LUC7L: variants seen among roughly 807,000 people sequenced by gnomAD.
The protein encoded by LUC7L is putative RNA-binding protein Luc7-like 1.
A neutral mutation model predicts 51.1 loss-of-function variants in LUC7L; 29 were observed. The observed-to-expected ratio is 0.57, with a 90% CI of 0.42 to 0.77. The LOEUF (loss-of-function observed/expected upper bound fraction) is 0.77. Among genes scored for constraint, LUC7L ranks in the 30% least tolerant of loss-of-function variants. The pLI is 0.00. For missense variants in LUC7L, 403 were observed against 511.9 expected, an observed-to-expected ratio of 0.79 and a Z score of 2.05; for synonymous variants, 181 against 180.7, an observed-to-expected ratio of 1.00 and a Z score of -0.01.
At chr16:207,142 T>C (rs1251957394) in intron 4 of LUC7L, among the ~76,000 whole-genome samples, 1 of 150,872 alleles carries the variant, frequency 6.6e-6, no homozygotes. Context: ...GAGCTTGCAG[T>C]GAGTCGAGAT....
At position 223,827 on chromosome 16, in the gene LUC7L, G is replaced by A. The variant is rs939898649; in HGVS notation, c.157-3080C>T. Among the ~76,000 whole-genome samples, 4 of 151,720 alleles carry A rather than the reference G, an allele frequency of 2.6e-5. No homozygotes were observed. The East Asian group carries it at 5.8e-4, about 22-fold the overall frequency. ...TGGGACTACAGGGGCACGCCACCAC[G>A]CCCGGCTAATATTTTTGTATTTTTA... On this transcript the variant is annotated intron_variant, in intron 2 of 9. Transcript: ENST00000293872.
At chr16:203,908 C>T (rs907851568) in intron 5 of LUC7L, among the ~76,000 whole-genome samples, 2 of 148,928 alleles carry the variant, frequency 1.3e-5, no homozygotes, top group African/African-American at 2.5e-5. Context: ...CTCAGCTACT[C>T]GGGAGGCTGA....
At position 189,158 on chromosome 16, in the gene LUC7L, G is replaced by A. The variant is rs369218695; in HGVS notation, c.*40C>T. On this transcript the variant is annotated 3_prime_UTR_variant, in exon 10 of 10. Transcript: ENST00000293872. Reference sequence around the variant, plus strand: ...TATAAAGGGTAATTTTAGACTGTGTGAACGTTTATCAGACTATTTACAGCA... The same window carrying A: ...TATAAAGGGTAATTTTAGACTGTGTAAACGTTTATCAGACTATTTACAGCA... 2.6e-4 allele frequency: 414 copies of A among 1,571,544 alleles called. 1 individual carries two copies. Among genetic ancestry groups the A allele is most frequent in the Middle Eastern group, 1.2e-3 (7 of 5,882 alleles).
Position 208,084 on chromosome 16 carries a change from A to G in LUC7L, c.360T>C (p.Ser120=). ...CGAAGCCACCCAAGCATACCTTTGCAGAAACTTCCGCACTGATTTCCTCCT... is the reference window on the plus strand; with the variant it reads ...CGAAGCCACCCAAGCATACCTTTGCGGAAACTTCCGCACTGATTTCCTCCT... ...ETQEEISAEV[S]AKAEKVHELN... The change falls in exon 4 of 10, where the codon TCT becomes TCC. Residue 120 remains serine (S), a synonymous_variant. Transcript: ENST00000293872. The G allele has an allele frequency of 6.2e-7, 1 of 1,608,338 alleles. No individual in the cohort carries two copies. The highest frequency in any genetic ancestry group is 2.2e-5 in the East Asian group (1 of 44,788).
chr16:228,751 G>T lies in LUC7L; in HGVS notation c.61+528C>A, dbSNP rs772829671. 97 of 1,267,586 alleles carry T rather than the reference G, an allele frequency of 7.7e-5. No individual in the cohort carries two copies. In the Admixed American group the frequency reaches 1.0e-3, roughly 13 times the overall value. The allele number at this position is 1,267,586 out of a possible 1,614,324, so 78.5% of individuals were successfully genotyped here. On this transcript the variant is annotated intron_variant, in intron 1 of 9. Transcript: ENST00000293872. ...ACAGAGGCTCTCCTGTGTGCTGGGG[G>T]GAAGGGGGCAGCTGGAAAAGTACTT...
At chr16:200,070 C>G (rs1247710988) in intron 5 of LUC7L, among the ~76,000 whole-genome samples, 2 of 152,042 alleles carry the variant, frequency 1.3e-5, no homozygotes, top group African/African-American at 2.4e-5. Flanking sequence ...AGACAGATCA[C>G]TTGAGGCCAG....
chr16:228,458 TG>T, intron 1 of LUC7L: 1 of 1,253,692 alleles, frequency 8.0e-7, no homozygotes, highest in South Asian at 1.4e-5. Context: ...AATAAAAATA[TG>T]GGAAGCAATT....
intron 6 of LUC7L, among the ~76,000 whole-genome samples, chr16:196,091 A>T (rs147046177): frequency 6.6e-6 from 1 of 151,840 alleles, no homozygotes; most frequent in East Asian, 1.9e-4. Context: ...AGGAAATAAA[A>T]GATTGCAGAT....
chr16:195,401 C>A (rs2049121269), intron 6 of LUC7L, among the ~76,000 whole-genome samples: 1 of 151,988 alleles, frequency 6.6e-6, no homozygotes, highest in South Asian at 2.1e-4. Context: ...TCAGTACACT[C>A]CACCCTGGGT....
chr16:225,238 A>C (rs2050097183), intron 2 of LUC7L, among the ~76,000 whole-genome samples: 1 of 152,042 alleles, frequency 6.6e-6, no homozygotes, highest in African/African-American at 2.4e-5. Flanking sequence ...CTGTAATCTC[A>C]GCACTTTGGG....
chr16:224,513 C>CA (rs1447567106), intron 2 of LUC7L, among the ~76,000 whole-genome samples: 1 of 135,722 alleles, frequency 7.4e-6, no homozygotes, highest in Non-Finnish European at 1.6e-5. Flanking sequence ...GAGCGAAACT[C>CA]AGTCTCAAAA....
intron 5 of LUC7L, among the ~76,000 whole-genome samples, chr16:201,736 GCT>G: frequency 7.7e-6 from 1 of 129,886 alleles, no homozygotes; most frequent in African/African-American, 3.0e-5. Flanking sequence ...ACCGCACCAG[GCT>G]TTTTTTTTTT....
Position 193,001 on chromosome 16 carries a change from T to C in LUC7L, c.702A>G (p.Glu234=), listed in dbSNP as rs750053084. 11 of 1,613,160 alleles carry C rather than the reference T, an allele frequency of 6.8e-6. No individual in the cohort carries two copies. The highest frequency in any genetic ancestry group is 1.1e-5 in the South Asian group (1 of 91,084). Residue 234 remains glutamate, a synonymous_variant, in exon 7 of 10, where the codon GAA becomes GAG. Transcript: ENST00000293872. Reference sequence around the variant, plus strand: ...GATCCTGATTTCTCTTCTCCTGCTTTTCAGCGACAGTTTTCTAAATAAATG... The same window carrying C: ...GATCCTGATTTCTCTTCTCCTGCTTCTCAGCGACAGTTTTCTAAATAAATG... ...KLDQLRKTVA[E]KQEKRNQDRL...
At chr16:202,457 T>C (rs2049362257) in intron 5 of LUC7L, among the ~76,000 whole-genome samples, 1 of 152,180 alleles carries the variant, frequency 6.6e-6, no homozygotes, top group Non-Finnish European at 1.5e-5. Flanking sequence ...TGTTATTTTT[T>C]ATCTTTTATA....
intron 3 of LUC7L, among the ~76,000 whole-genome samples, chr16:210,040 CA>C (rs2049595833): frequency 6.6e-6 from 1 of 152,198 alleles, no homozygotes; most frequent in Non-Finnish European, 1.5e-5. Context: ...GTAATCCCAG[CA>C]CTTTGGGAGG....
chr16:221,193 T>TA (rs1183642291), intron 2 of LUC7L, among the ~76,000 whole-genome samples: 46 of 49,828 alleles, frequency 9.2e-4, no homozygotes, highest in South Asian at 1.6e-3. Flanking sequence ...CTAATTTTTT[T>TA]TTTTTTTTTT....
chr16:195,446 G>GA (rs992450065), intron 6 of LUC7L, among the ~76,000 whole-genome samples: 1 of 151,494 alleles, frequency 6.6e-6, no homozygotes, highest in African/African-American at 2.4e-5. Context: ...AAAAAAAAAC[G>GA]AAAAAAATCC....
chr16:197,771 C>T (rs763170936), intron 6 of LUC7L, among the ~76,000 whole-genome samples: 37 of 152,102 alleles, frequency 2.4e-4, no homozygotes, highest in Non-Finnish European at 4.0e-4. Flanking sequence ...GGCCCTCAGC[C>T]GTGGTCACTG....
At chr16:203,104 C>A (rs1196058272) in intron 5 of LUC7L, among the ~76,000 whole-genome samples, 1 of 152,098 alleles carries the variant, frequency 6.6e-6, no homozygotes, top group Non-Finnish European at 1.5e-5. Context: ...CGAGCCATCG[C>A]ACCACCGCAC....
Sources: allele counts gnomAD v4.1 joint callset (sites outside exome capture counted in the v4.1 genomes callset), GRCh38; gene constraint gnomAD v4.1.1; transcripts MANE v1.5; gene names NCBI Gene and HGNC (gene_info 2026-07-23, HGNC 2026-07-21).